ATP2B2: variants seen among roughly 807,000 people sequenced by gnomAD.
ATP2B2 encodes plasma membrane calcium-transporting ATPase 2.
ATP2B2 carries 15 observed loss-of-function variants against 120.0 expected under a neutral mutation model. That is an observed-to-expected ratio of 0.12 (90% CI 0.08 to 0.19). ATP2B2 has a LOEUF of 0.19. Among genes scored for constraint, ATP2B2 ranks in the 10% least tolerant of loss-of-function variants. The pLI is 1.00. For synonymous variants in ATP2B2, 694 were observed against 700.3 expected, an observed-to-expected ratio of 0.99 and a Z score of 0.14; for missense variants, 1,045 against 1,719.8, an observed-to-expected ratio of 0.61 and a Z score of 6.94.
At chr3:10,588,298 G>T (rs1340806414) in intron 2 of ATP2B2, among the ~76,000 whole-genome samples, 3 of 152,218 alleles carry the variant, frequency 2.0e-5, no homozygotes, top group Non-Finnish European at 2.9e-5. Flanking sequence ...CTAGGGGTAA[G>T]GGTGGGCAAA....
intron 2 of ATP2B2, among the ~76,000 whole-genome samples, chr3:10,548,440 G>A (rs144290058): frequency 4.6e-5 from 7 of 152,274 alleles, no homozygotes; most frequent in East Asian, 1.9e-4. Flanking sequence ...AATGATTGAC[G>A]GGTGTTGGGA....
chr3:10,566,728 G>A (rs2068018055), intron 2 of ATP2B2, among the ~76,000 whole-genome samples: 1 of 152,200 alleles, frequency 6.6e-6, no homozygotes, highest in Non-Finnish European at 1.5e-5. Flanking sequence ...CACAGACAGG[G>A]TGGCTGTAAC....
intron 2 of ATP2B2, among the ~76,000 whole-genome samples, chr3:10,560,837 TC>T (rs1369642538): frequency 6.6e-6 from 1 of 151,932 alleles, no homozygotes; most frequent in Non-Finnish European, 1.5e-5. Context: ...CCCACACCTC[TC>T]CCCAGCCCCT....
intron 2 of ATP2B2, among the ~76,000 whole-genome samples, chr3:10,430,768 A>G (rs1441500007): frequency 1.3e-5 from 2 of 148,948 alleles, no homozygotes; most frequent in Non-Finnish European, 3.0e-5. Context: ...CCAAGAGGCC[A>G]CTGAGTGTCC....
Position 10,328,141 on chromosome 3 carries a change from C to G in ATP2B2, c.*673G>C, listed in dbSNP as rs913978471. 6.8e-6 allele frequency: 1 copy of G among 147,688 alleles called. No homozygotes were observed. The highest frequency in any genetic ancestry group is 1.5e-5 in the Non-Finnish European group (1 of 66,698). 9.1% of individuals were successfully genotyped at this position (147,688 alleles called of 1,614,324 possible). ...TATATTTATATATATATATATATAT[C>G]TACCTATCTATATGGACGTATACAG... On this transcript the variant is annotated 3_prime_UTR_variant, in exon 23 of 23. Coordinates refer to ENST00000360273, the MANE Select transcript of ATP2B2 (RefSeq NM_001001331.4).
At chr3:10,429,649 G>T (rs1459210724) in intron 2 of ATP2B2, among the ~76,000 whole-genome samples, 1 of 152,108 alleles carries the variant, frequency 6.6e-6, no homozygotes, top group Non-Finnish European at 1.5e-5. Context: ...ACTGAAGTTT[G>T]ACCAATTAAT....
At chr3:10,453,130 C>T (rs1009719749) in intron 1 of ATP2B2, among the ~76,000 whole-genome samples, 4 of 152,200 alleles carry the variant, frequency 2.6e-5, no homozygotes, top group East Asian at 1.9e-4. Flanking sequence ...CGCTGCAAGG[C>T]GTTATGCATA....
chr3:10,701,633 G>A (rs1282890502), intron 1 of ATP2B2, among the ~76,000 whole-genome samples: 1 of 148,446 alleles, frequency 6.7e-6, no homozygotes, highest in Non-Finnish European at 1.5e-5. Context: ...TTTTTTTTAA[G>A]ACAAGACCCA....
rs181308556 is a variant in ATP2B2 at position 10,629,703 on chromosome 3, G to C, written c.-459-9742C>G. On this transcript the variant is annotated intron_variant, in intron 1 of 21. Coordinates refer to the ATP2B2 transcript ENST00000646379. ...CAGCTCCACTGCCCAAGCTTCACCT[G>C]CATGCGCTCATTCTAAAAGCTGTTT... 5.5e-4 allele frequency among the ~76,000 whole-genome samples: 84 copies of C among 152,332 alleles called. 1 individual carries two copies. The highest frequency in any genetic ancestry group is 3.4e-3 in the Middle Eastern group (1 of 294).
At chr3:10,518,182 C>T (rs947372197) in intron 3 of ATP2B2, among the ~76,000 whole-genome samples, 4 of 152,314 alleles carry the variant, frequency 2.6e-5, no homozygotes, top group Non-Finnish European at 5.9e-5. Context: ...CCTGAAATCA[C>T]CTCCCTTTTA....
At chr3:10,587,065 A>G (rs765858319) in intron 2 of ATP2B2, among the ~76,000 whole-genome samples, 20 of 152,224 alleles carry the variant, frequency 1.3e-4, no homozygotes, top group South Asian at 4.1e-4. Context: ...ATGCCAAGGC[A>G]GGTAGGTTGC....
intron 15 of ATP2B2, 38 bp downstream of exon 15, chr3:10,350,360 C>T (rs375769312): frequency 1.5e-5 from 25 of 1,613,684 alleles, no homozygotes; most frequent in East Asian, 6.7e-5. Context: ...CCCATCTGAG[C>T]GCGTTCCCCT....
chr3:10,447,207 GTCC>G (rs2063866651), intron 2 of ATP2B2, among the ~76,000 whole-genome samples: 1 of 152,216 alleles, frequency 6.6e-6, no homozygotes, highest in Non-Finnish European at 1.5e-5. Flanking sequence ...GTTTTACCGG[GTCC>G]TCATCTGTGC....
At chr3:10,618,767 C>A (rs935323085) in intron 2 of ATP2B2, among the ~76,000 whole-genome samples, 2 of 152,118 alleles carry the variant, frequency 1.3e-5, no homozygotes. Context: ...TGGGAAGAAA[C>A]CATGAAAGAA....
chr3:10,588,765 T>C (rs1197591561), intron 2 of ATP2B2, among the ~76,000 whole-genome samples: 1 of 152,184 alleles, frequency 6.6e-6, no homozygotes, highest in African/African-American at 2.4e-5. Context: ...GTAGAGATGC[T>C]TTTTATGCCC....
At chr3:10,668,649 C>A (rs2071011813) in intron 1 of ATP2B2, among the ~76,000 whole-genome samples, 2 of 148,156 alleles carry the variant, frequency 1.3e-5, no homozygotes, top group Admixed American at 6.7e-5. Flanking sequence ...TAAAATTGTA[C>A]CCCCCCACCC....
chr3:10,457,576 G>C (rs1401694249), intron 1 of ATP2B2, among the ~76,000 whole-genome samples: 1 of 152,002 alleles, frequency 6.6e-6, no homozygotes, highest in Admixed American at 6.6e-5. Context: ...GTGTGAGAGA[G>C]AGAGAGAGCA....
exon 1 of ATP2B2, chr3:10,707,982 C>G (rs2071925398): frequency 6.8e-6 from 1 of 147,454 alleles, no homozygotes; most frequent in African/African-American, 2.5e-5. Context: ...GGTGCGCGCC[C>G]GGCCCGGCCC....
At chr3:10,335,827 G>A (rs26800) in intron 22 of ATP2B2, among the ~76,000 whole-genome samples, 110,952 of 152,052 alleles carry the variant, frequency 0.73, 41,684 homozygotes, top group East Asian at 0.99. Flanking sequence ...CCTGTGGTGG[G>A]TTGGGACCAT....
Sources: allele counts gnomAD v4.1 joint callset (sites outside exome capture counted in the v4.1 genomes callset), GRCh38; gene constraint gnomAD v4.1.1; transcripts MANE v1.5; gene names NCBI Gene and HGNC (gene_info 2026-07-23, HGNC 2026-07-21).